The following TMEM68 variants were observed in gnomAD, a reference collection of about 807,000 sequenced individuals.
TMEM68 encodes the protein transmembrane protein 68.
TMEM68 carries 25 observed loss-of-function variants against 36.9 expected under a neutral mutation model. The ratio of observed to expected loss-of-function variants is 0.68; its 90% CI spans 0.49 to 0.95. TMEM68 has a LOEUF of 0.95. Ranked by LOEUF, TMEM68 falls within the 40% of genes least tolerant of loss-of-function variation. The probability of loss-of-function intolerance (pLI) is 0.00; values close to 1 mark genes in which losing one functional copy is unlikely to be tolerated. For missense variants in TMEM68, 333 were observed against 392.0 expected, an observed-to-expected ratio of 0.85 and a Z score of 1.27; for synonymous variants, 131 against 124.4, an observed-to-expected ratio of 1.05 and a Z score of -0.35.
chr8:55,756,388 T>G lies in TMEM68; in HGVS notation c.349A>C (p.Lys117Gln). Residue 117 changes from lysine to glutamine, a missense_variant, in exon 4 of 8, where the codon AAA becomes CAA. Physicochemically the swap from Lys to Gln is moderately conservative, Grantham distance 53 (BLOSUM62 1). Coordinates refer to ENST00000434581, the MANE Select transcript of TMEM68 (RefSeq NM_001286657.2). The part of the protein sequence containing the change: ...WHGYEVHGME[K>Q]IPEDGPALII... ...AGTGCTGGTCCATCTTCTGGTATTT[T>G]TTCCATTCCATGAACTTCATAACCT... 1 of 1,583,530 alleles carries G rather than the reference T, an allele frequency of 6.3e-7. No individual in the cohort carries two copies. Among genetic ancestry groups the G allele is most frequent in the Non-Finnish European group, 8.5e-7 (1 of 1,170,828 alleles).
chr8:55,757,347 T>C (rs894050796), intron 3 of TMEM68, among the ~76,000 whole-genome samples: 2 of 152,142 alleles, frequency 1.3e-5, no homozygotes, highest in Non-Finnish European at 2.9e-5. Context: ...AGTGACATAT[T>C]ACAAAATACT....
intron 1 of TMEM68, among the ~76,000 whole-genome samples, chr8:55,771,552 G>A (rs1005827658): frequency 6.6e-6 from 1 of 152,128 alleles, no homozygotes. Flanking sequence ...GGGAGGTAGA[G>A]GTTGCTGTGA....
chr8:55,760,231 A>G (rs1255872412), intron 3 of TMEM68, among the ~76,000 whole-genome samples: 2 of 152,254 alleles, frequency 1.3e-5, no homozygotes, highest in Non-Finnish European at 2.9e-5. Context: ...GGAAAATCAC[A>G]GAAGTTGGGA....
intron 1 of TMEM68, among the ~76,000 whole-genome samples, chr8:55,766,982 G>A (rs1810983236): frequency 6.6e-6 from 1 of 152,034 alleles, no homozygotes. Flanking sequence ...TATCCTGGGA[G>A]GCTCTGCCAC....
At chr8:55,750,794 T>G (rs781619367) in intron 5 of TMEM68, 170 bp downstream of exon 5, 18 of 597,724 alleles carry the variant, frequency 3.0e-5, no homozygotes, top group South Asian at 6.9e-5. Context: ...CACCTCGGCC[T>G]CCCAAAGTGC....
intron 5 of TMEM68, among the ~76,000 whole-genome samples, chr8:55,750,202 T>C (rs1028158592): frequency 6.6e-6 from 1 of 152,204 alleles, no homozygotes; most frequent in African/African-American, 2.4e-5. Context: ...TATATCCTTT[T>C]GTATTCTATA....
chr8:55,742,832 CTCTG>C (rs1417471872), intron 7 of TMEM68, among the ~76,000 whole-genome samples: 4 of 149,304 alleles, frequency 2.7e-5, no homozygotes, highest in Non-Finnish European at 4.4e-5. Context: ...GTTTTATACT[CTCTG>C]AAAGTATAAT....
At chr8:55,752,803 C>A (rs763430738) in intron 4 of TMEM68, among the ~76,000 whole-genome samples, 2 of 149,154 alleles carry the variant, frequency 1.3e-5, no homozygotes, top group African/African-American at 2.5e-5. Context: ...TAGCTCACTA[C>A]GGCCTTGCTC....
chr8:55,762,711 G>A lies in TMEM68; in HGVS notation c.249C>T (p.Ala83=), dbSNP rs764494221. The part of the protein sequence containing the change: ...IYKRKNVLKE[A]YSHNLWDGAR... ...CACCATCCCATAAATTATGAGAGTA[G>A]GCTTCTTTCAATACATTCTTTCTCT... Residue 83 remains alanine, a synonymous_variant, in exon 3 of 8, where the codon GCC becomes GCT. Coordinates refer to ENST00000434581, the MANE Select transcript of TMEM68 (RefSeq NM_001286657.2). 1.2e-6 allele frequency: 2 copies of A among 1,613,994 alleles called. No individual in the cohort carries two copies. Among genetic ancestry groups the A allele is most frequent in the African/African-American group, 2.7e-5 (2 of 74,896 alleles).
intron 1 of TMEM68, among the ~76,000 whole-genome samples, chr8:55,769,473 G>A (rs184077319): frequency 8.5e-5 from 13 of 152,238 alleles, no homozygotes; most frequent in African/African-American, 3.1e-4. Flanking sequence ...AGGATACAAT[G>A]TACAAGTGGA....
In TMEM68 at chr8:55,740,035, T is replaced by C. The variant is rs1026438683; in HGVS notation, c.*97A>G. ...TTATTAACATGATTTTTTTAAAAAA[T>C]ACTAATTATAGGACCTACAAAATTC... On this transcript the variant is annotated 3_prime_UTR_variant, in exon 8 of 8. Transcript: ENST00000434581. The C allele has an allele frequency of 1.7e-5, 14 of 847,994 alleles. No homozygotes were observed. Among genetic ancestry groups the C allele is most frequent in the Non-Finnish European group, 2.5e-5 (14 of 568,706 alleles). 52.5% of individuals were successfully genotyped at this position (847,994 alleles called of 1,614,324 possible). A position where few individuals can be genotyped will look rare whatever the true frequency, so the allele number is the denominator to read the frequency against.
At chr8:55,763,110 G>A (rs1258156791) in intron 2 of TMEM68, 82 bp from the exon 3 acceptor site, 1 of 775,290 alleles carries the variant, frequency 1.3e-6, no homozygotes, top group Admixed American at 3.6e-5. Context: ...AGCATATAGA[G>A]TCATTTCTTA....
intron 3 of TMEM68, among the ~76,000 whole-genome samples, chr8:55,758,714 G>A (rs1029601742): frequency 6.6e-6 from 1 of 152,352 alleles, no homozygotes; most frequent in East Asian, 1.9e-4. Flanking sequence ...GCTGAGGTGG[G>A]ATGATTGCTT....
intron 1 of TMEM68, among the ~76,000 whole-genome samples, chr8:55,769,819 G>A (rs1276511993): frequency 6.6e-6 from 1 of 152,164 alleles, no homozygotes; most frequent in African/African-American, 2.4e-5. Flanking sequence ...TTTTAGTAGA[G>A]ATGGGGTTTT....
intron 5 of TMEM68, chr8:55,747,722 ACT>A (rs1810325133): frequency 6.6e-6 from 1 of 152,168 alleles, no homozygotes; most frequent in South Asian, 2.1e-4. Context: ...TCTGGAAATC[ACT>A]ACTAGTTTTG....
intron 4 of TMEM68, among the ~76,000 whole-genome samples, chr8:55,753,986 G>A (rs1377386409): frequency 6.6e-6 from 1 of 151,956 alleles, no homozygotes; most frequent in East Asian, 1.9e-4. Context: ...CAGCTACTAG[G>A]GAGGCTGAGG....
Position 55,773,314 on chromosome 8 carries a change from G to T in TMEM68, c.-160C>A. ...TCTTCGGGGGATCAGTGGCCAAGGG[G>T]GCGGACAGATTTGCACGGCGGATTC... On this transcript the variant is annotated 5_prime_UTR_variant, in exon 1 of 8. Coordinates refer to ENST00000434581, the MANE Select transcript of TMEM68 (RefSeq NM_001286657.2). 1 of 260,602 alleles carries T rather than the reference G, an allele frequency of 3.8e-6. No individual in the cohort carries two copies. Among genetic ancestry groups the T allele is most frequent in the Non-Finnish European group, 7.4e-6 (1 of 135,938 alleles). The allele number at this position is 260,602 out of a possible 1,614,324, so 16.1% of individuals were successfully genotyped here. A position where few individuals can be genotyped will look rare whatever the true frequency, so the allele number is the denominator to read the frequency against.
At chr8:55,760,798 T>C (rs1304822156) in intron 3 of TMEM68, 1 of 152,208 alleles carries the variant, frequency 6.6e-6, no homozygotes, top group Non-Finnish European at 1.5e-5. Context: ...AATTTAATGA[T>C]ATTCCAAGAT....
intron 3 of TMEM68, chr8:55,760,783 A>C (rs1282088599): frequency 6.6e-6 from 1 of 152,228 alleles, no homozygotes; most frequent in Non-Finnish European, 1.5e-5. Flanking sequence ...AATGTTTTGA[A>C]AAATAATTTA....
Sources: allele counts gnomAD v4.1 joint callset (sites outside exome capture counted in the v4.1 genomes callset), GRCh38; gene constraint gnomAD v4.1.1; transcripts MANE v1.5; gene names NCBI Gene and HGNC (gene_info 2026-07-23, HGNC 2026-07-21).